PKIB: variants seen among roughly 807,000 people sequenced by gnomAD.
PKIB encodes the protein cAMP-dependent protein kinase inhibitor beta.
A neutral mutation model predicts 4.5 loss-of-function variants in PKIB; 2 were observed. That is an observed-to-expected ratio of 0.44 (90% CI 0.18 to 1.39). PKIB has a LOEUF of 1.39. Among genes scored for constraint, PKIB ranks in the 40% most tolerant of loss-of-function variants. PKIB has a pLI of 0.27. For synonymous variants in PKIB, 38 were observed against 36.0 expected (o/e 1.06, Z -0.20); for missense variants, 94 against 92.6 (o/e 1.02, Z -0.06).
At chr6:122,671,175 C>A (rs767806991) in intron 2 of PKIB, among the ~76,000 whole-genome samples, 28 of 151,772 alleles carry the variant, frequency 1.8e-4, no homozygotes, top group Admixed American at 7.2e-4. Context: ...ACCTGTAATC[C>A]CAGCTACTTG....
chr6:122,611,133 A>T (rs1156249381), intron 1 of PKIB, among the ~76,000 whole-genome samples: 1 of 152,228 alleles, frequency 6.6e-6, no homozygotes, highest in Non-Finnish European at 1.5e-5. Flanking sequence ...GGACCCCGGC[A>T]GGCCGCAGGG....
intron 3 of PKIB, among the ~76,000 whole-genome samples, chr6:122,589,310 A>G (rs1267877570): frequency 6.6e-6 from 1 of 152,154 alleles, no homozygotes; most frequent in Non-Finnish European, 1.5e-5. Context: ...TTTGGCAAAA[A>G]CAGCTGAATT....
chr6:122,594,115 A>G (rs1052390259), intron 3 of PKIB, among the ~76,000 whole-genome samples: 1 of 152,232 alleles, frequency 6.6e-6, no homozygotes, highest in Non-Finnish European at 1.5e-5. Flanking sequence ...TCCCCAACCC[A>G]AAAGCTATTA....
At chr6:122,687,077 CT>C (rs1182349674) in intron 3 of PKIB, among the ~76,000 whole-genome samples, 2 of 152,008 alleles carry the variant, frequency 1.3e-5, no homozygotes, top group African/African-American at 4.8e-5. Context: ...CAATGTTTTC[CT>C]TTAGTAGTTT....
At chr6:122,658,596 G>A (rs1776863921) in intron 2 of PKIB, among the ~76,000 whole-genome samples, 1 of 151,886 alleles carries the variant, frequency 6.6e-6, no homozygotes. Context: ...GATCACTATG[G>A]AAGTGTAACA....
intron 2 of PKIB, among the ~76,000 whole-genome samples, chr6:122,638,464 C>T (rs1554227024): frequency 3.3e-5 from 5 of 152,124 alleles, no homozygotes; most frequent in South Asian, 2.1e-4. Flanking sequence ...CTGGCCAATG[C>T]GTTGACTCCT....
At chr6:122,567,555 A>T (rs1181717116) in intron 2 of PKIB, among the ~76,000 whole-genome samples, 1 of 152,204 alleles carries the variant, frequency 6.6e-6, no homozygotes, top group Non-Finnish European at 1.5e-5. Flanking sequence ...CTCAATTTTT[A>T]AATTAGCTAA....
chr6:122,547,313 GT>G (rs1407449375), intron 2 of PKIB, among the ~76,000 whole-genome samples: 6 of 151,918 alleles, frequency 3.9e-5, no homozygotes, highest in Non-Finnish European at 7.4e-5. Context: ...ATAAAGTATG[GT>G]TTTATTCAGC....
chr6:122,724,000 A>G (rs1363749699), intron 4 of PKIB, among the ~76,000 whole-genome samples: 3 of 152,194 alleles, frequency 2.0e-5, no homozygotes, highest in Non-Finnish European at 2.9e-5. Context: ...TATTTGATGA[A>G]TGAGAGTTGA....
intron 4 of PKIB, among the ~76,000 whole-genome samples, chr6:122,719,017 A>G (rs1323048269): frequency 1.3e-5 from 2 of 152,202 alleles, no homozygotes; most frequent in African/African-American, 4.8e-5. Flanking sequence ...AAGGGAAGAA[A>G]GAAATAAACA....
chr6:122,614,792 GTGTGTA>G (rs1774916837), intron 1 of PKIB, among the ~76,000 whole-genome samples: 1 of 152,258 alleles, frequency 6.6e-6, no homozygotes, highest in African/African-American at 2.4e-5. Flanking sequence ...AAATCAGTGT[GTGTGTA>G]TGTGTATGTG....
intron 2 of PKIB, among the ~76,000 whole-genome samples, chr6:122,574,221 A>G (rs1344675063): frequency 6.6e-6 from 1 of 152,164 alleles, no homozygotes; most frequent in African/African-American, 2.4e-5. Context: ...TCCTTAACCA[A>G]GTAGGTGAAA....
chr6:122,685,204 C>G (rs1007656569), intron 3 of PKIB, among the ~76,000 whole-genome samples: 13 of 151,954 alleles, frequency 8.6e-5, no homozygotes, highest in Non-Finnish European at 1.5e-5. Context: ...TAGGTAATAC[C>G]AAAAAGCTGC....
intron 2 of PKIB, among the ~76,000 whole-genome samples, chr6:122,523,795 A>G (rs1314434611): frequency 6.6e-6 from 1 of 151,902 alleles, no homozygotes; most frequent in Non-Finnish European, 1.5e-5. Flanking sequence ...GAAAAAAAAA[A>G]AAGGATGTTC....
At chr6:122,559,555 TTG>T (rs1491417728) in intron 2 of PKIB, among the ~76,000 whole-genome samples, 24 of 148,918 alleles carry the variant, frequency 1.6e-4, no homozygotes, top group Non-Finnish European at 2.4e-4. Context: ...AATTTTAGAA[TTG>T]TTTTTTTTCT....
At chr6:122,697,329 C>T (rs1778616921) in intron 3 of PKIB, among the ~76,000 whole-genome samples, 1 of 152,016 alleles carries the variant, frequency 6.6e-6, no homozygotes, top group South Asian at 2.1e-4. Flanking sequence ...TATCAGATAT[C>T]AAGCCTAAAT....
chr6:122,714,170 G>C (rs1335670587), intron 3 of PKIB, among the ~76,000 whole-genome samples: 1 of 152,162 alleles, frequency 6.6e-6, no homozygotes, highest in Non-Finnish European at 1.5e-5. Flanking sequence ...CAGGAAAATA[G>C]CTTTTCTCTG....
chr6:122,530,025 C>G (rs1302369571), intron 2 of PKIB, among the ~76,000 whole-genome samples: 3 of 151,434 alleles, frequency 2.0e-5, no homozygotes, highest in Non-Finnish European at 4.4e-5. Flanking sequence ...TAAGCTCTCT[C>G]CCCCTTCTTT....
rs111771886 is a variant in PKIB, at chr6:122,646,816, A to G, written c.-76+13449A>G. Among the ~76,000 whole-genome samples the G allele has an allele frequency of 1.3e-3, 191 of 152,256 alleles. 1 individual carries two copies. The highest frequency in any genetic ancestry group is 4.5e-3 in the African/African-American group (186 of 41,562). ...TATTGGGTTTTAGTTTCATATCTCA[A>G]TTTACACCTTCTTCATAGAAATACT... On this transcript the variant is annotated intron_variant, in intron 2 of 4. Transcript: ENST00000368452.
Sources: allele counts gnomAD v4.1 joint callset (sites outside exome capture counted in the v4.1 genomes callset), GRCh38; gene constraint gnomAD v4.1.1; transcripts MANE v1.5; gene names NCBI Gene and HGNC (gene_info 2026-07-23, HGNC 2026-07-21).